Variants in PDLIM5 observed in about 807,000 individuals in gnomAD.
PDLIM5 encodes PDZ and LIM domain 5.
Under a neutral mutation model 64.2 loss-of-function variants are expected in PDLIM5, and 34 were observed. The ratio of observed to expected loss-of-function variants is 0.53; its 90% CI spans 0.40 to 0.71. The LOEUF (loss-of-function observed/expected upper bound fraction) is 0.71, where lower values mean the gene tolerates loss of function less well. Ranked by LOEUF, PDLIM5 falls within the 30% of genes least tolerant of loss-of-function variation. The probability of loss-of-function intolerance (pLI) is 0.00; values close to 1 mark genes in which losing one functional copy is unlikely to be tolerated. For synonymous variants in PDLIM5, 253 were observed against 269.1 expected, an observed-to-expected ratio of 0.94 and a Z score of 0.59; for missense variants, 683 against 733.6, an observed-to-expected ratio of 0.93 and a Z score of 0.80.
At chr4:94,520,503 G>C (rs969585105) in intron 2 of PDLIM5, among the ~76,000 whole-genome samples, 5 of 152,202 alleles carry the variant, frequency 3.3e-5, no homozygotes, top group African/African-American at 1.2e-4. Flanking sequence ...TGACTTTGTA[G>C]TCTTTCCTTG....
At chr4:94,616,173 A>G (rs1578476914) in intron 7 of PDLIM5, among the ~76,000 whole-genome samples, 1 of 152,298 alleles carries the variant, frequency 6.6e-6, no homozygotes, top group East Asian at 1.9e-4. Flanking sequence ...GTGATTATAT[A>G]CATTATTAAT....
At position 94,455,299 on chromosome 4, in the gene PDLIM5, A is replaced by G. The variant is rs1221297908; in HGVS notation, c.11A>G (p.Tyr4Cys). 2.5e-6 allele frequency: 4 copies of G among 1,608,768 alleles called. No individual in the cohort carries two copies. The highest frequency in any genetic ancestry group is 2.2e-5 in the East Asian group (1 of 44,856). Reference sequence around the variant, plus strand: ...TGAGCCATTAGAACCATGAGCAACTACAGTGTGTCACTGGTTGGCCCAGCT... The same window carrying G: ...TGAGCCATTAGAACCATGAGCAACTGCAGTGTGTCACTGGTTGGCCCAGCT... MSN[Y>C]SVSLVGPAPW... The change falls in exon 2 of 13, where the codon TAC (tyrosine) becomes TGC (cysteine). Residue 4 changes from tyrosine (Y) to cysteine (C), a missense_variant. Physicochemically the swap from Tyr to Cys is radical, Grantham distance 194. Transcript: ENST00000317968.
At chr4:94,556,745 TG>T (rs1395488074) in intron 3 of PDLIM5, among the ~76,000 whole-genome samples, 4 of 152,212 alleles carry the variant, frequency 2.6e-5, no homozygotes, top group African/African-American at 9.6e-5. Flanking sequence ...CACTTTTTGA[TG>T]GGGTTGTTTG....
At chr4:94,498,019 AC>A (rs1403951924) in intron 2 of PDLIM5, among the ~76,000 whole-genome samples, 3 of 152,168 alleles carry the variant, frequency 2.0e-5, no homozygotes, top group Admixed American at 2.0e-4. Flanking sequence ...TTTCTGAAGA[AC>A]CAAAAGAGTT....
chr4:94,615,525 A>G (rs1275947381), intron 7 of PDLIM5, among the ~76,000 whole-genome samples: 1 of 152,190 alleles, frequency 6.6e-6, no homozygotes, highest in Non-Finnish European at 1.5e-5. Flanking sequence ...TGGAAAAAAA[A>G]GGTAGAATTG....
intron 2 of PDLIM5, among the ~76,000 whole-genome samples, chr4:94,518,488 T>C (rs1008127129): frequency 6.6e-6 from 1 of 152,218 alleles, no homozygotes; most frequent in African/African-American, 2.4e-5. Flanking sequence ...ATTGTTAAAA[T>C]GATTAGGAAC....
In PDLIM5 at chr4:94,663,883, G is replaced by A. The variant is rs940286338; in HGVS notation, c.1702-95G>A. 7.0e-6 allele frequency: 9 copies of A among 1,292,602 alleles called. No homozygotes were observed. In the African/African-American group the frequency reaches 1.4e-4, roughly 19 times the overall value. 80.1% of individuals were successfully genotyped at this position (1,292,602 alleles called of 1,614,324 possible). Reference sequence around the variant, plus strand: ...AAGTGTTTTGTCATATTATCCATTGGGGGGAAAAATCACTCTCTCCTTCTC... The same window carrying A: ...AAGTGTTTTGTCATATTATCCATTGAGGGGAAAAATCACTCTCTCCTTCTC... On this transcript the variant is annotated intron_variant, in intron 12 of 12. Transcript: ENST00000317968.
At chr4:94,503,453 G>A (rs943700686) in intron 2 of PDLIM5, among the ~76,000 whole-genome samples, 1 of 152,172 alleles carries the variant, frequency 6.6e-6, no homozygotes, top group Non-Finnish European at 1.5e-5. Context: ...AAATAATACT[G>A]TTTTAGAATA....
chr4:94,568,187 A>G (rs920700251), intron 3 of PDLIM5, among the ~76,000 whole-genome samples: 1 of 152,234 alleles, frequency 6.6e-6, no homozygotes, highest in Non-Finnish European at 1.5e-5. Context: ...ATGATGGCTT[A>G]CAGGCCAAGT....
intron 3 of PDLIM5, among the ~76,000 whole-genome samples, chr4:94,531,242 T>A (rs1730842830): frequency 6.6e-6 from 1 of 152,174 alleles, no homozygotes; most frequent in Admixed American, 6.6e-5. Context: ...AAGGACTAAG[T>A]CTGATTGATT....
chr4:94,645,550 A>G (rs1344639468), intron 9 of PDLIM5, among the ~76,000 whole-genome samples: 1 of 152,198 alleles, frequency 6.6e-6, no homozygotes, highest in Non-Finnish European at 1.5e-5. Flanking sequence ...AAATACATTC[A>G]TTCATTCATT....
intron 2 of PDLIM5, among the ~76,000 whole-genome samples, chr4:94,522,838 G>C (rs1374436135): frequency 6.6e-6 from 1 of 152,072 alleles, no homozygotes; most frequent in Non-Finnish European, 1.5e-5. Flanking sequence ...CCATCTTCCA[G>C]CAACTCAGTA....
Position 94,523,850 on chromosome 4 carries a change from G to C in PDLIM5, c.223G>C (p.Gly75Arg). ...CCAGAATAAGATTAAGGGTTGTACAGGCTCTTTGAATATGACTCTGCAAAG... is the reference window on the plus strand; with the variant it reads ...CCAGAATAAGATTAAGGGTTGTACACGCTCTTTGAATATGACTCTGCAAAG... Reference protein sequence around the residue: ...EAQNKIKGCTGSLNMTLQRAS... With the variant: ...EAQNKIKGCTRSLNMTLQRAS... Residue 75 changes from glycine (G) to arginine (R), a missense_variant, in exon 3 of 13, where the codon GGC (glycine) becomes CGC (arginine). Transcript: ENST00000317968. 1 of 1,613,124 alleles carries C rather than the reference G, an allele frequency of 6.2e-7. No homozygotes were observed. Among genetic ancestry groups the C allele is most frequent in the Non-Finnish European group, 8.5e-7 (1 of 1,179,348 alleles).
chr4:94,650,323 C>A (rs1298166321), intron 9 of PDLIM5, among the ~76,000 whole-genome samples: 2 of 152,136 alleles, frequency 1.3e-5, no homozygotes, highest in Non-Finnish European at 2.9e-5. Context: ...TCACGCCAGG[C>A]CCTTCCTCAA....
intron 7 of PDLIM5, among the ~76,000 whole-genome samples, chr4:94,605,295 C>T (rs977361843): frequency 6.6e-6 from 1 of 152,190 alleles, no homozygotes; most frequent in Non-Finnish European, 1.5e-5. Flanking sequence ...ACAACTCACA[C>T]CTGATTTGCT....
At chr4:94,528,556 T>G (rs1730578913) in intron 3 of PDLIM5, among the ~76,000 whole-genome samples, 1 of 152,218 alleles carries the variant, frequency 6.6e-6, no homozygotes, top group Admixed American at 6.5e-5. Flanking sequence ...AGTAGTCTGT[T>G]TTTGATAGGC....
At chr4:94,607,899 G>A (rs1738057205) in intron 7 of PDLIM5, among the ~76,000 whole-genome samples, 1 of 152,170 alleles carries the variant, frequency 6.6e-6, no homozygotes, top group Non-Finnish European at 1.5e-5. Flanking sequence ...GAAGTGTTGG[G>A]TTTTGTTTTA....
intron 7 of PDLIM5, among the ~76,000 whole-genome samples, chr4:94,616,196 T>C (rs1445796232): frequency 1.4e-4 from 22 of 152,202 alleles, no homozygotes; most frequent in Admixed American, 1.4e-3. Context: ...GTTTTAAAAA[T>C]CAAATCCGCA....
At chr4:94,459,676 A>C (rs1477252723) in intron 2 of PDLIM5, among the ~76,000 whole-genome samples, 1 of 152,240 alleles carries the variant, frequency 6.6e-6, no homozygotes, top group African/African-American at 2.4e-5. Flanking sequence ...AAGACCTGTC[A>C]CAAGTCAATA....
Sources: gnomAD v4.1 joint callset for allele counts (sites outside exome capture counted in the v4.1 genomes callset) on GRCh38, gnomAD v4.1.1 for gene constraint, MANE v1.5 for transcripts, NCBI Gene and HGNC (gene_info 2026-07-23, HGNC 2026-07-21) for gene names.